Variants in UGT2B10 observed in about 807,000 individuals in gnomAD.
UGT2B10 encodes UDP-glucuronosyltransferase 2B10.
Under a neutral mutation model 43.7 loss-of-function variants are expected in UGT2B10, and 51 were observed. The observed-to-expected ratio is 1.17, with a 90% CI of 0.93 to 1.47. The LOEUF (loss-of-function observed/expected upper bound fraction) is 1.47, where lower values mean the gene tolerates loss of function less well. Among genes scored for constraint, UGT2B10 ranks in the 40% most tolerant of loss-of-function variants. The pLI, the probability that UGT2B10 is intolerant of heterozygous loss-of-function variation, is 0.00. For synonymous variants in UGT2B10, 225 were observed against 209.0 expected (o/e 1.08, Z -0.66); for missense variants, 696 against 617.7 (o/e 1.13, Z -1.34).
At chr4:68,820,364 A>C (rs527344850) in intron 2 of UGT2B10, among the ~76,000 whole-genome samples, 2 of 152,234 alleles carry the variant, frequency 1.3e-5, no homozygotes, top group South Asian at 4.1e-4. Context: ...AGAATAAGAC[A>C]CTTGACAAAA....
chr4:68,816,702 T>C lies in UGT2B10; in HGVS notation c.683T>C (p.Met228Thr). 1 of 1,610,590 alleles carries C rather than the reference T, an allele frequency of 6.2e-7. No individual in the cohort carries two copies. Among genetic ancestry groups the C allele is most frequent in the Non-Finnish European group, 8.5e-7 (1 of 1,178,248 alleles). ...YFDFWFQIFN[M>T]KKWDQFYSEV... ...GACTTTTGGTTCCAAATATTTAATA[T>C]GAAGAAGTGGGATCAGTTTTACAGT... Residue 228 changes from methionine (M) to threonine (T), a missense_variant, in exon 1 of 6, where the codon ATG becomes ACG. Physicochemically the swap from Met to Thr is moderately conservative, Grantham distance 81. Transcript: ENST00000265403.
intron 2 of UGT2B10, among the ~76,000 whole-genome samples, chr4:68,818,740 A>G (rs1737348822): frequency 1.3e-5 from 2 of 151,982 alleles, no homozygotes; most frequent in South Asian, 2.1e-4. Context: ...GTGGGGAGAG[A>G]CAGACAAAAA....
intron 2 of UGT2B10, among the ~76,000 whole-genome samples, chr4:68,819,805 ATTC>A (rs1298389453): frequency 6.6e-6 from 1 of 152,066 alleles, no homozygotes; most frequent in African/African-American, 2.4e-5. Flanking sequence ...ATAAGATTAT[ATTC>A]TTTTCGAAGG....
Position 68,831,193 on chromosome 4 carries a change from A to G in UGT2B10, c.*314A>G. On this transcript the variant is annotated 3_prime_UTR_variant, in exon 6 of 6. Transcript: ENST00000265403. Reference sequence around the variant, plus strand: ...ACTTCAGCCTCAACTTACTAAGCTCAAGAGGTTCTCTCACCTCAGCCCCCC... The same window carrying G: ...ACTTCAGCCTCAACTTACTAAGCTCGAGAGGTTCTCTCACCTCAGCCCCCC... 1 of 269,884 alleles carries G rather than the reference A, an allele frequency of 3.7e-6. No homozygotes were observed. The highest frequency in any genetic ancestry group is 6.9e-6 in the Non-Finnish European group (1 of 144,686). The allele number at this position is 269,884 out of a possible 1,614,324, so 16.7% of individuals were successfully genotyped here. A position where few individuals can be genotyped will look rare whatever the true frequency, so the allele number is the denominator to read the frequency against.
At chr4:68,818,460 C>T (rs1737332685) in intron 2 of UGT2B10, among the ~76,000 whole-genome samples, 1 of 151,530 alleles carries the variant, frequency 6.6e-6, no homozygotes, top group Non-Finnish European at 1.5e-5. Flanking sequence ...GTCATTCATT[C>T]AAAGAATATT....
chr4:68,828,348 T>C (rs1394097324), intron 5 of UGT2B10, among the ~76,000 whole-genome samples: 1 of 152,030 alleles, frequency 6.6e-6, no homozygotes, highest in Non-Finnish European at 1.5e-5. Flanking sequence ...TTTTTTAATA[T>C]AGATACGTCA....
At chr4:68,820,210 A>G (rs547056651) in intron 2 of UGT2B10, among the ~76,000 whole-genome samples, 1 of 152,078 alleles carries the variant, frequency 6.6e-6, no homozygotes, top group Non-Finnish European at 1.5e-5. Flanking sequence ...AGCTCTTGTT[A>G]TTAACTTGCA....
chr4:68,828,179 A>G (rs1578274075), intron 5 of UGT2B10, among the ~76,000 whole-genome samples: 1 of 152,162 alleles, frequency 6.6e-6, no homozygotes. Context: ...TTCTTTCTCT[A>G]TAGATTATTC....
At position 68,831,220 on chromosome 4, in the gene UGT2B10, A is replaced by G. The variant is rs1259938084; in HGVS notation, c.*341A>G. On this transcript the variant is annotated 3_prime_UTR_variant, in exon 6 of 6. Transcript: ENST00000265403. Reference sequence around the variant, plus strand: ...GAGGTTCTCTCACCTCAGCCCCCCAAGTAGCTGGGACCATAGGTGCATGTC... The same window carrying G: ...GAGGTTCTCTCACCTCAGCCCCCCAGGTAGCTGGGACCATAGGTGCATGTC... The G allele has an allele frequency of 1.3e-5, 3 of 228,794 alleles. No individual in the cohort carries two copies. The highest frequency in any genetic ancestry group is 1.2e-4 in the East Asian group (1 of 8,356). 14.2% of individuals were successfully genotyped at this position (228,794 alleles called of 1,614,324 possible).
rs537486832 is a variant in UGT2B10, at chr4:68,830,979, CA to C, written c.*109del. ...ATGCAAGATTTCTTTCTTCCTGTGA[CA>C]AAAAAAAATCCTTTCGAAGTCTACC... On this transcript the variant is annotated 3_prime_UTR_variant, in exon 6 of 6. Transcript: ENST00000265403. The C allele has an allele frequency of 5.1e-4, 731 of 1,429,338 alleles. No individual in the cohort carries two copies. The highest frequency in any genetic ancestry group is 1.1e-3 in the South Asian group (74 of 67,170). The allele number at this position is 1,429,338 out of a possible 1,614,324, so 88.5% of individuals were successfully genotyped here.
intron 3 of UGT2B10, among the ~76,000 whole-genome samples, chr4:68,824,989 T>C (rs1309146366): frequency 1.3e-5 from 2 of 152,168 alleles, no homozygotes; most frequent in East Asian, 3.9e-4. Flanking sequence ...TAGTGCTTGA[T>C]AATTTGTAAT....
chr4:68,818,787 T>C (rs1737352007), intron 2 of UGT2B10, among the ~76,000 whole-genome samples: 1 of 151,704 alleles, frequency 6.6e-6, no homozygotes, highest in Admixed American at 6.6e-5. Flanking sequence ...AGTTCTCAAG[T>C]CCTCAGGTTT....
chr4:68,829,333 G>T lies in UGT2B10; in HGVS notation c.1308-1267G>T, dbSNP rs1201756755. On this transcript the variant is annotated intron_variant, in intron 5 of 5. Coordinates refer to ENST00000265403, the MANE Select transcript of UGT2B10 (RefSeq NM_001075.6). ...TGGTGGACAAAAGTGGTGACAAAATGGTTCAGAAAAAGAGAGCTATTCTAG... is the reference window on the plus strand; with the variant it reads ...TGGTGGACAAAAGTGGTGACAAAATTGTTCAGAAAAAGAGAGCTATTCTAG... Among the ~76,000 whole-genome samples, 25 of 152,066 alleles carry T rather than the reference G, an allele frequency of 1.6e-4. No individual in the cohort carries two copies. The South Asian group carries it at 3.9e-3, about 24-fold the overall frequency.
rs1737217146 is a variant in UGT2B10 at position 68,816,502 on chromosome 4, G to A, written c.483G>A (p.Glu161=). The A allele has an allele frequency of 2.5e-6, 4 of 1,613,222 alleles. No individual in the cohort carries two copies. The highest frequency in any genetic ancestry group is 3.4e-6 in the Non-Finnish European group (4 of 1,179,438). ...TACCCTGTGGTGAGCTGCTGGCTGAGCTATTTAACATACCCTTTGTGTACA... is the reference window on the plus strand; with the variant it reads ...TACCCTGTGGTGAGCTGCTGGCTGAACTATTTAACATACCCTTTGTGTACA... ...AYLPCGELLA[E]LFNIPFVYSH... Residue 161 remains glutamate, a synonymous_variant, in exon 1 of 6, where the codon GAG becomes GAA. Coordinates refer to ENST00000265403, the MANE Select transcript of UGT2B10 (RefSeq NM_001075.6).
In UGT2B10 at chr4:68,816,398, A is replaced by G. The variant is rs755594714; in HGVS notation, c.379A>G (p.Lys127Glu). ...AINDIIRNFC[K>E]DVVSNKKLMK... ...TAATGACATAATTAGAAACTTCTGT[A>G]AAGATGTAGTTTCAAATAAGAAACT... Residue 127 changes from lysine to glutamate, a missense_variant, in exon 1 of 6, where the codon AAA (lysine) becomes GAA (glutamate). By Grantham distance (56) the Lys-to-Glu change is moderately conservative (BLOSUM62 1). Transcript: ENST00000265403. The G allele has an allele frequency of 4.9e-5, 79 of 1,612,630 alleles. No individual in the cohort carries two copies. The highest frequency in any genetic ancestry group is 4.9e-4 in the Admixed American group (29 of 59,774).
intron 5 of UGT2B10, among the ~76,000 whole-genome samples, chr4:68,828,409 T>G (rs1333843664): frequency 6.6e-6 from 1 of 151,492 alleles, no homozygotes; most frequent in Non-Finnish European, 1.5e-5. Context: ...AAGGAGGGTA[T>G]CATCTAAAGA....
rs774273117 is a variant in UGT2B10 at position 68,816,257 on chromosome 4, T to A, written c.238T>A (p.Leu80Ile). The change falls in exon 1 of 6, where the codon TTA becomes ATA. Residue 80 changes from leucine (L) to isoleucine (I), a missense_variant. Transcript: ENST00000265403. Reference protein sequence around the residue: ...TLKLEVYPTSLTKTEFENIIM... With the variant: ...TLKLEVYPTSITKTEFENIIM... ...TAAACTTGAAGTTTATCCTACATCT[T>A]TAACTAAAACTGAATTTGAGAATAT... The A allele has an allele frequency of 6.2e-7, 1 of 1,613,218 alleles. No individual in the cohort carries two copies. The highest frequency in any genetic ancestry group is 1.1e-5 in the South Asian group (1 of 91,056).
In UGT2B10 at chr4:68,830,711, A is replaced by G. The variant is rs1198611878; in HGVS notation, c.1419A>G (p.Lys473=). 3 of 1,613,406 alleles carry G rather than the reference A, an allele frequency of 1.9e-6. No individual in the cohort carries two copies. The highest frequency in any genetic ancestry group is 2.5e-6 in the Non-Finnish European group (3 of 1,179,498). ...IEFVMRHKGA[K]HLRVAAHNLT... Reference sequence around the variant, plus strand: ...TTGTCATGCGCCACAAAGGAGCCAAACATCTTCGAGTTGCAGCCCACAACC... The same window carrying G: ...TTGTCATGCGCCACAAAGGAGCCAAGCATCTTCGAGTTGCAGCCCACAACC... The change falls in exon 6 of 6, where the codon AAA becomes AAG. Residue 473 remains lysine (K), a synonymous_variant. Coordinates refer to ENST00000265403, the MANE Select transcript of UGT2B10 (RefSeq NM_001075.6).
chr4:68,816,795 C>G (rs1737237804), intron 1 of UGT2B10, 58 bp downstream of exon 1: 14 of 1,381,782 alleles, frequency 1.0e-5, no homozygotes, highest in South Asian at 1.4e-5. Flanking sequence ...CTTTGAAGCA[C>G]AACTTGCATA....
Sources: gnomAD v4.1 joint callset for allele counts (sites outside exome capture counted in the v4.1 genomes callset) on GRCh38, gnomAD v4.1.1 for gene constraint, MANE v1.5 for transcripts, NCBI Gene and HGNC (gene_info 2026-07-23, HGNC 2026-07-21) for gene names.